The following GABRR1 variants were observed in gnomAD, a reference collection of about 807,000 sequenced individuals.
GABRR1 encodes the protein gamma-aminobutyric acid type A receptor subunit rho1, also known as gamma-aminobutyric acid receptor subunit rho-1.
A neutral mutation model predicts 55.5 loss-of-function variants in GABRR1; 59 were observed. The observed-to-expected ratio is 1.06, with a 90% CI of 0.86 to 1.32. GABRR1 has a LOEUF of 1.32. Ranked by LOEUF, GABRR1 falls within the 40% of genes most tolerant of loss-of-function variation. The probability of loss-of-function intolerance (pLI) is 0.00; values close to 1 mark genes in which losing one functional copy is unlikely to be tolerated. For synonymous variants in GABRR1, 213 were observed against 226.0 expected (o/e 0.94, Z 0.51); for missense variants, 602 against 619.1 (o/e 0.97, Z 0.29).
intron 8 of GABRR1, 85 bp downstream of exon 8, chr6:89,181,820 T>C (rs1295636576): frequency 5.2e-6 from 7 of 1,335,558 alleles, no homozygotes; most frequent in African/African-American, 2.9e-5. Flanking sequence ...ACAGAATCAA[T>C]TTGAAAAGAA....
intron 5 of GABRR1, 52 bp from the exon 6 acceptor site, chr6:89,190,299 G>A: frequency 1.5e-6 from 2 of 1,333,030 alleles, no homozygotes; most frequent in Non-Finnish European, 2.1e-6. Context: ...AAAGACGAGT[G>A]CAAAATGATA....
At chr6:89,192,187 C>T (rs1378845506) in intron 5 of GABRR1, among the ~76,000 whole-genome samples, 2 of 152,092 alleles carry the variant, frequency 1.3e-5, no homozygotes, top group African/African-American at 4.8e-5. Flanking sequence ...GCTTTCTGGG[C>T]CTGTTACCTG....
intron 5 of GABRR1, among the ~76,000 whole-genome samples, chr6:89,194,669 A>G (rs1045202414): frequency 3.9e-5 from 6 of 152,090 alleles, no homozygotes; most frequent in Middle Eastern, 3.4e-3. Flanking sequence ...AAATTTAACA[A>G]AGAGACTGAA....
At chr6:89,204,905 A>C (rs1190367787) in intron 1 of GABRR1, among the ~76,000 whole-genome samples, 1 of 152,142 alleles carries the variant, frequency 6.6e-6, no homozygotes, top group Non-Finnish European at 1.5e-5. Context: ...ATACTGTTTG[A>C]AACTTTCTTT....
upstream of GABRR1, chr6:89,217,446 A>AAAAAAAAAG: frequency 9.8e-7 from 1 of 1,025,346 alleles, no homozygotes; most frequent in Non-Finnish European, 1.4e-6. Context: ...CAAAAAAAAA[A>AAAAAAAAAG]TCAACCCACA....
chr6:89,203,565 A>C, intron 1 of GABRR1, 80 bp from the exon 2 acceptor site: 1 of 1,030,600 alleles, frequency 9.7e-7, no homozygotes, highest in Non-Finnish European at 1.5e-6. Flanking sequence ...CTCCCTCCAG[A>C]TTTGCTTCAA....
intron 1 of GABRR1, among the ~76,000 whole-genome samples, chr6:89,216,175 T>A (rs1454070501): frequency 6.6e-6 from 1 of 152,208 alleles, no homozygotes; most frequent in African/African-American, 2.4e-5. Context: ...ACAAATGCTG[T>A]GAGCTACAGC....
chr6:89,220,939 C>T (rs977168979), upstream of GABRR1, among the ~76,000 whole-genome samples: 1 of 152,118 alleles, frequency 6.6e-6, no homozygotes, highest in Admixed American at 6.6e-5. Context: ...AAGCTGGTCT[C>T]CAACTCCCAA....
chr6:89,219,281 A>G (rs1773077538), upstream of GABRR1, among the ~76,000 whole-genome samples: 1 of 152,092 alleles, frequency 6.6e-6, no homozygotes, highest in Admixed American at 6.6e-5. Context: ...AAAAGAAAAG[A>G]AAATAACAGA....
Position 89,198,146 on chromosome 6 carries a change from A to C in GABRR1, c.446T>G (p.Leu149Arg). The stretch of plus-strand genomic sequence containing the variant: ...GTCAGGGACCCAGATCTTCTTGACC[A>C]GCCGGCCGTCAAACGTCATGCTGAG... ...NNLSMTFDGR[L>R]VKKIWVPDMF... The change falls in exon 5 of 10, where the codon CTG becomes CGG. Residue 149 changes from leucine (L) to arginine (R), a missense_variant. Coordinates refer to ENST00000454853, the MANE Select transcript of GABRR1 (RefSeq NM_002042.5). The C allele has an allele frequency of 6.2e-7, 1 of 1,614,088 alleles. No homozygotes were observed. The highest frequency in any genetic ancestry group is 8.5e-7 in the Non-Finnish European group (1 of 1,179,990).
chr6:89,222,172 G>C (rs1773124004), upstream of GABRR1, among the ~76,000 whole-genome samples: 1 of 152,224 alleles, frequency 6.6e-6, no homozygotes, highest in African/African-American at 2.4e-5. Context: ...AACTTGGCCT[G>C]ATAGTCACTC....
At position 89,200,016 on chromosome 6, in the gene GABRR1, T is replaced by C. The variant is rs145903641; in HGVS notation, c.281-587A>G. ...TAAATATTGATAAAGAGTAAGGAAG[T>C]ATAATGAAGGGAATCAATTCCTGCC... On this transcript the variant is annotated intron_variant, in intron 3 of 9. Transcript: ENST00000454853. Among the ~76,000 whole-genome samples the C allele has an allele frequency of 3.1e-4, 47 of 152,194 alleles. No homozygotes were observed. In the East Asian group the frequency reaches 8.9e-3, roughly 29 times the overall value.
chr6:89,211,073 G>A (rs901443302), intron 1 of GABRR1, among the ~76,000 whole-genome samples: 2 of 152,206 alleles, frequency 1.3e-5, no homozygotes, highest in African/African-American at 4.8e-5. Flanking sequence ...GAGACTGCAA[G>A]GAGCAGGGGC....
chr6:89,217,399 A>T, upstream of GABRR1: 2 of 1,512,372 alleles, frequency 1.3e-6, no homozygotes, highest in Non-Finnish European at 1.8e-6. Flanking sequence ...TTAAGACATT[A>T]TTGGTCTGTT....
intron 5 of GABRR1, among the ~76,000 whole-genome samples, chr6:89,196,876 A>AAAGAG (rs1554190902): frequency 5.9e-5 from 6 of 101,876 alleles, no homozygotes; most frequent in East Asian, 6.2e-4. Flanking sequence ...AGAAAGAAAG[A>AAAGAG]AAGAGAAGAG....
chr6:89,198,090 T>G lies in GABRR1; in HGVS notation c.502A>C (p.Ile168Leu). The change falls in exon 5 of 10, where the codon ATC (isoleucine) becomes CTC (leucine). Residue 168 changes from isoleucine (I) to leucine (L), a missense_variant. By Grantham distance (5) the Ile-to-Leu change is conservative. Coordinates refer to ENST00000454853, the MANE Select transcript of GABRR1 (RefSeq NM_002042.5). Reference protein sequence around the residue: ...MFFVHSKRSFIHDTTTDNVML... With the variant: ...MFFVHSKRSFLHDTTTDNVML... ...ACGTTGTCTGTGGTGGTGTCGTGGA[T>G]GAAGGAGCGTTTGGAGTGCACGAAA... is the stretch of plus-strand genomic sequence containing the variant. The G allele has an allele frequency of 6.2e-7, 1 of 1,614,094 alleles. No homozygotes were observed. The highest frequency in any genetic ancestry group is 8.5e-7 in the Non-Finnish European group (1 of 1,180,020).
intron 2 of GABRR1, among the ~76,000 whole-genome samples, 166 bp downstream of exon 2, chr6:89,203,269 C>A (rs191318048): frequency 2.2e-4 from 33 of 152,290 alleles, no homozygotes; most frequent in Admixed American, 4.6e-4. Context: ...GCCACCCCGC[C>A]ACCCCTGACT....
intron 5 of GABRR1, among the ~76,000 whole-genome samples, chr6:89,196,774 A>G (rs1361578487): frequency 6.6e-6 from 1 of 150,716 alleles, no homozygotes; most frequent in Non-Finnish European, 1.5e-5. Context: ...AAAACTCTGT[A>G]AATAAAAAAA....
At chr6:89,191,054 GGA>G (rs1337815555) in intron 5 of GABRR1, among the ~76,000 whole-genome samples, 9 of 151,948 alleles carry the variant, frequency 5.9e-5, no homozygotes, top group Non-Finnish European at 1.2e-4. Flanking sequence ...CAAAAGTTGT[GGA>G]AATTATATGA....
Sources: gnomAD v4.1 joint callset for allele counts (sites outside exome capture counted in the v4.1 genomes callset) on GRCh38, gnomAD v4.1.1 for gene constraint, MANE v1.5 for transcripts, NCBI Gene and HGNC (gene_info 2026-07-23, HGNC 2026-07-21) for gene names.